Variants in WDR83 observed in about 807,000 individuals in gnomAD.
WDR83 encodes the protein WD repeat domain-containing protein 83.
WDR83 carries 37 observed loss-of-function variants against 37.7 expected under a neutral mutation model. The observed-to-expected ratio is 0.98, with a 90% CI of 0.76 to 1.29. The LOEUF (loss-of-function observed/expected upper bound fraction) is 1.29, where lower values mean the gene tolerates loss of function less well. Among genes scored for constraint, WDR83 ranks in the 50% most tolerant of loss-of-function variants. WDR83 has a pLI of 0.00. For synonymous variants in WDR83, 174 were observed against 181.1 expected (o/e 0.96, Z 0.31); for missense variants, 445 against 414.4 (o/e 1.07, Z -0.64).
rs771346708 is a variant in WDR83 at position 12,670,720 on chromosome 19, T to C, written c.405T>C (p.Cys135=). ...LSGSIDSSIR[C]WDCRSRRPEP... ...GCTCTATTGATTCCAGTATCCGCTG[T>C]TGGGATTGCCGCTCACGGAGGCCTG... Residue 135 remains cysteine (C), a synonymous_variant, in exon 7 of 11, where the codon TGT becomes TGC. Transcript: ENST00000418543. 4 of 1,614,048 alleles carry C rather than the reference T, an allele frequency of 2.5e-6. No individual in the cohort carries two copies. In the African/African-American group the frequency reaches 5.3e-5, roughly 22 times the overall value.
intron 7 of WDR83, among the ~76,000 whole-genome samples, chr19:12,671,531 A>G (rs184305282): frequency 2.4e-4 from 36 of 151,880 alleles, no homozygotes; most frequent in Admixed American, 2.2e-3. Flanking sequence ...AGGCGCCTGT[A>G]GTCCCAGCTA....
Position 12,669,799 on chromosome 19 carries a change from C to A in WDR83, c.9C>A (p.Phe3Leu). The A allele has an allele frequency of 1.9e-6, 3 of 1,606,678 alleles. No homozygotes were observed. The highest frequency in any genetic ancestry group is 2.6e-6 in the Non-Finnish European group (3 of 1,176,468). Reference protein sequence around the residue: MAFPEPKPRPPEL... With the variant: MALPEPKPRPPEL... ...GAAGGAGTCCTGGGAGCATGGCTTT[C>A]CCTGAGCCAAAGCCGCGGCCTCCAG... The change falls in exon 3 of 11, where the codon TTC becomes TTA. Residue 3 changes from phenylalanine to leucine, a missense_variant. By Grantham distance (22) the Phe-to-Leu change is conservative. Coordinates refer to ENST00000418543, the MANE Select transcript of WDR83 (RefSeq NM_001099737.3).
Position 12,666,809 on chromosome 19 carries a change from G to C in WDR83, c.-340G>C. On this transcript the variant is annotated 5_prime_UTR_variant, in exon 1 of 11. Coordinates refer to ENST00000418543, the MANE Select transcript of WDR83 (RefSeq NM_001099737.3). ...GGGGTGGGGGGCGGGGCCAGGGCGCGGTCTGGAGGCTCACGGGAGAGAGGC... is the reference window on the plus strand; with the variant it reads ...GGGGTGGGGGGCGGGGCCAGGGCGCCGTCTGGAGGCTCACGGGAGAGAGGC... 8.7e-7 allele frequency: 1 copy of C among 1,153,206 alleles called. No individual in the cohort carries two copies. The highest frequency in any genetic ancestry group is 1.2e-6 in the Non-Finnish European group (1 of 833,434). The allele number at this position is 1,153,206 out of a possible 1,614,324, so 71.4% of individuals were successfully genotyped here.
chr19:12,668,320 G>A (rs766436213), intron 1 of WDR83, 188 bp from the exon 2 acceptor site: 38 of 1,586,250 alleles, frequency 2.4e-5, no homozygotes, highest in Non-Finnish European at 2.8e-5. Context: ...AGGCCTAGTG[G>A]ATAGACAGGG....
Position 12,670,782 on chromosome 19 carries a change from T to C in WDR83, c.467T>C (p.Val156Ala), listed in dbSNP as rs2145311985. ...VQTLDEARDG[V>A]SSVKVSDHEI... ...ACGCTGGATGAGGCCAGAGATGGCG[T>C]GTCCAGTGTGAAGGTGTCAGACCAC... is the stretch of plus-strand genomic sequence containing the variant. The change falls in exon 7 of 11, where the codon GTG becomes GCG. Residue 156 changes from valine (V) to alanine (A), a missense_variant. Val to Ala is a moderately conservative substitution (Grantham distance 64, BLOSUM62 0). Transcript: ENST00000418543. 6.2e-7 allele frequency: 1 copy of C among 1,614,014 alleles called. No homozygotes were observed. The highest frequency in any genetic ancestry group is 8.5e-7 in the Non-Finnish European group (1 of 1,179,976).
chr19:12,675,195 G>A (rs906877244), intron 10 of WDR83, among the ~76,000 whole-genome samples: 2 of 152,184 alleles, frequency 1.3e-5, no homozygotes, highest in African/African-American at 4.8e-5. Flanking sequence ...GGGAGGCCAA[G>A]GCAGGAGGAT....
chr19:12,670,246 A>G lies in WDR83; in HGVS notation c.291A>G (p.Ala97=), dbSNP rs769505285. Residue 97 remains alanine, a synonymous_variant, in exon 5 of 11, where the codon GCA becomes GCG. Transcript: ENST00000418543. ...GDKAVVLWDV[A]SGQVVRKFRG... ...AGGCGGTGGTTCTGTGGGATGTGGC[A>G]TCAGGGCAGGTCGTGCGCAAATTCC... 2 of 1,614,154 alleles carry G rather than the reference A, an allele frequency of 1.2e-6. No individual in the cohort carries two copies. The highest frequency in any genetic ancestry group is 1.7e-6 in the Non-Finnish European group (2 of 1,180,024).
Position 12,675,662 on chromosome 19 carries a change from G to C in WDR83, c.938G>C (p.Gly313Ala), listed in dbSNP as rs1461917832. The stretch of plus-strand genomic sequence containing the variant: ...GAGGAGGCCTATGAGGCAGAGGATG[G>C]AGCAGGCTGAAGCCAGGGGACCCAC... ...WREEAYEAEDGAG is the reference protein window; with the variant it reads ...WREEAYEAEDAAG The change falls in exon 11 of 11, where the codon GGA becomes GCA. Residue 313 changes from glycine (G) to alanine (A), a missense_variant. Physicochemically the swap from Gly to Ala is moderately conservative, Grantham distance 60. Transcript: ENST00000418543. 2 of 1,600,756 alleles carry C rather than the reference G, an allele frequency of 1.2e-6. No homozygotes were observed. The highest frequency in any genetic ancestry group is 2.2e-5 in the East Asian group (1 of 44,852).
intron 2 of WDR83, chr19:12,669,000 G>T: frequency 1.1e-6 from 1 of 939,016 alleles, no homozygotes; most frequent in Middle Eastern, 2.3e-4. Flanking sequence ...CGTCATCGCA[G>T]CCCCACTCCC....
Position 12,670,704 on chromosome 19 carries a change from A to G in WDR83, c.389A>G (p.Asp130Gly). The G allele has an allele frequency of 1.2e-6, 2 of 1,614,144 alleles. No individual in the cohort carries two copies. Among genetic ancestry groups the G allele is most frequent in the Non-Finnish European group, 1.7e-6 (2 of 1,180,028 alleles). ...EATVILSGSI[D>G]SSIRCWDCRS... ...CATGCTGGCCTCACAGGCTCTATTG[A>G]TTCCAGTATCCGCTGTTGGGATTGC... The change falls in exon 7 of 11, where the codon GAT becomes GGT. Residue 130 changes from aspartate (D) to glycine (G), a missense_variant. Coordinates refer to ENST00000418543, the MANE Select transcript of WDR83 (RefSeq NM_001099737.3).
At chr19:12,671,106 T>C (rs899058543) in intron 7 of WDR83, 3 of 328,546 alleles carry the variant, frequency 9.1e-6, no homozygotes, top group Non-Finnish European at 1.2e-5. Flanking sequence ...GGTGGGCAGA[T>C]CACTTGAGGT....
At chr19:12,673,955 C>G (rs2145327098) in intron 10 of WDR83, among the ~76,000 whole-genome samples, 1 of 152,356 alleles carries the variant, frequency 6.6e-6, no homozygotes, top group East Asian at 1.9e-4. Context: ...CCGCCTCGGC[C>G]TCCCAAAGTG....
chr19:12,668,608 A>G lies in WDR83; in HGVS notation c.-56A>G, dbSNP rs1568311235. 1.2e-6 allele frequency: 2 copies of G among 1,614,048 alleles called. No homozygotes were observed. The highest frequency in any genetic ancestry group is 1.7e-6 in the Non-Finnish European group (2 of 1,179,986). ...GAGCAGTAGACAGCGACCCAAGCAC[A>G]CCACTTCAGCTAGGGAAAGGTAAGT... On this transcript the variant is annotated 5_prime_UTR_variant, in exon 2 of 11. Transcript: ENST00000418543.
chr19:12,670,548 C>G lies in WDR83; in HGVS notation c.331-15C>G. On this transcript the variant is annotated splice_polypyrimidine_tract_variant and intron_variant, in intron 5 of 10. Coordinates refer to ENST00000418543, the MANE Select transcript of WDR83 (RefSeq NM_001099737.3). ...CCAAAGTCCAGCCTCCTCTGAGTGG[C>G]AATAACTTTCTCAGAAGGTGAACAC... 6.2e-7 allele frequency: 1 copy of G among 1,614,188 alleles called. No individual in the cohort carries two copies. The highest frequency in any genetic ancestry group is 1.1e-5 in the South Asian group (1 of 91,076).
intron 5 of WDR83, 40 bp downstream of exon 5, chr19:12,670,325 A>T: frequency 6.2e-7 from 1 of 1,601,362 alleles, no homozygotes; most frequent in Non-Finnish European, 8.5e-7. Flanking sequence ...AGTGGAGGGG[A>T]CCCGTATTAG....
Position 12,673,136 on chromosome 19 carries a change from G to A in WDR83, c.683+20G>A, listed in dbSNP as rs1442064495. On this transcript the variant is annotated intron_variant, in intron 9 of 10. Transcript: ENST00000418543. ...GGGCGAGTGAGTCCTTGTGGTCGTG[G>A]GGATCCCCTTCCCTCCTCTCCCACC... The A allele has an allele frequency of 4.3e-6, 7 of 1,611,782 alleles. No homozygotes were observed. The highest frequency in any genetic ancestry group is 5.9e-6 in the Non-Finnish European group (7 of 1,178,328).
In WDR83 at chr19:12,670,984, C is replaced by A. The variant is rs1047750526; in HGVS notation, c.506+163C>A. 9 of 1,066,304 alleles carry A rather than the reference C, an allele frequency of 8.4e-6. No individual in the cohort carries two copies. In the Admixed American group the frequency reaches 1.8e-4, roughly 21 times the overall value. The allele number at this position is 1,066,304 out of a possible 1,614,324, so 66.1% of individuals were successfully genotyped here. On this transcript the variant is annotated intron_variant, in intron 7 of 10. Transcript: ENST00000418543. ...GAAGGATCACTTGAGTCCAAGAGTT[C>A]GAGGCACCATTGCACTCCATGCTGG... is the stretch of plus-strand genomic sequence containing the variant.
intron 2 of WDR83, chr19:12,669,487 A>C: frequency 6.7e-7 from 1 of 1,492,762 alleles, no homozygotes; most frequent in Non-Finnish European, 9.1e-7. Context: ...TTTTAGAGTA[A>C]CACCCGAGGC....
intron 5 of WDR83, 116 bp from the exon 6 acceptor site, chr19:12,670,447 G>A (rs1480240758): frequency 1.3e-6 from 2 of 1,544,384 alleles, no homozygotes; most frequent in African/African-American, 2.7e-5. Context: ...TGTCCTTGCT[G>A]TTCCCCCAAA....
Sources: gnomAD v4.1 joint callset for allele counts (sites outside exome capture counted in the v4.1 genomes callset) on GRCh38, gnomAD v4.1.1 for gene constraint, MANE v1.5 for transcripts, NCBI Gene and HGNC (gene_info 2026-07-23, HGNC 2026-07-21) for gene names.